MLIP: variants seen among roughly 807,000 people sequenced by gnomAD.
MLIP encodes the protein muscular LMNA interacting protein, also known as muscular LMNA-interacting protein.
MLIP carries 79 observed loss-of-function variants against 84.8 expected under a neutral mutation model. The ratio of observed to expected loss-of-function variants is 0.93; its 90% CI spans 0.78 to 1.12. The LOEUF is 1.12. Among genes scored for constraint, MLIP ranks in the 50% most tolerant of loss-of-function variants. MLIP has a pLI of 0.00. For missense variants in MLIP, 1,257 were observed against 1,160.6 expected (o/e 1.08, Z -1.21); for synonymous variants, 504 against 463.0 (o/e 1.09, Z -1.14).
chr6:54,190,562 T>C (rs181839446), intron 10 of MLIP, among the ~76,000 whole-genome samples: 63 of 152,282 alleles, frequency 4.1e-4, no homozygotes, highest in African/African-American at 1.4e-3. Flanking sequence ...CTTTGAACTA[T>C]TGCATATTTT....
chr6:54,196,359 C>G (rs909437244), intron 10 of MLIP, among the ~76,000 whole-genome samples: 1 of 152,100 alleles, frequency 6.6e-6, no homozygotes, highest in Non-Finnish European at 1.5e-5. Flanking sequence ...CCACAACAGG[C>G]CTCTGTGTGT....
At chr6:54,187,386 C>G (rs1227829133) in intron 9 of MLIP, among the ~76,000 whole-genome samples, 1 of 152,072 alleles carries the variant, frequency 6.6e-6, no homozygotes, top group Non-Finnish European at 1.5e-5. Flanking sequence ...CAAATACAAG[C>G]AACATGGTAT....
chr6:54,212,067 G>C (rs1212064819), intron 11 of MLIP, among the ~76,000 whole-genome samples: 1 of 152,128 alleles, frequency 6.6e-6, no homozygotes, highest in Non-Finnish European at 1.5e-5. Context: ...TGGTAGCTCT[G>C]TTTGATAAGG....
chr6:54,169,452 A>C, intron 8 of MLIP, 76 bp from the exon 9 acceptor site: 1 of 944,682 alleles, frequency 1.1e-6, no homozygotes, highest in Non-Finnish European at 1.5e-6. Context: ...GAAGAAGGTG[A>C]ACACATTCCA....
rs547463859 is a variant in MLIP, at chr6:54,191,995, G to A, written c.2589+2081G>A. Reference sequence around the variant, plus strand: ...ATTTCAAAGTGGCAAATATATATATGTGTATATATATATATAATGATTTTA... The same window carrying A: ...ATTTCAAAGTGGCAAATATATATATATGTATATATATATATAATGATTTTA... On this transcript the variant is annotated intron_variant, in intron 10 of 13. Transcript: ENST00000502396. Among the ~76,000 whole-genome samples, 297 of 150,398 alleles carry A rather than the reference G, an allele frequency of 2.0e-3. 2 individuals are homozygous for A. The highest frequency in any genetic ancestry group is 6.9e-3 in the African/African-American group (282 of 41,140).
chr6:54,203,591 T>A (rs528756871), intron 11 of MLIP: 139 of 152,294 alleles, frequency 9.1e-4, no homozygotes, highest in Non-Finnish European at 1.2e-3. Context: ...TTTCTTCCTT[T>A]CTTTTTTTTT....
chr6:54,021,988 T>C (rs1004650447), intron 1 of MLIP, among the ~76,000 whole-genome samples: 15 of 152,190 alleles, frequency 9.9e-5, no homozygotes, highest in Non-Finnish European at 1.6e-4. Flanking sequence ...TTGTGGGAAA[T>C]GGTAGAGAGG....
intron 1 of MLIP, among the ~76,000 whole-genome samples, chr6:54,116,604 A>G (rs769592086): frequency 6.6e-6 from 1 of 152,196 alleles, no homozygotes; most frequent in Admixed American, 6.5e-5. Context: ...CAGCAATAAA[A>G]TATCTCCATT....
intron 8 of MLIP, among the ~76,000 whole-genome samples, chr6:54,163,433 T>C (rs1396717457): frequency 1.3e-5 from 2 of 151,946 alleles, no homozygotes; most frequent in African/African-American, 2.4e-5. Flanking sequence ...AATGTTTTTA[T>C]TTCTCTTGTT....
rs1018742056 is a variant in MLIP, at chr6:54,052,033, C to CA, written c.63+32942_63+32943insA. On this transcript the variant is annotated intron_variant, in intron 1 of 12. Transcript: ENST00000274897. Reference sequence around the variant, plus strand: ...GTGTCTGATTTTCTCCATCTTACTGCTGCTCTGCTTTCTCTCTTCTGACTT... The same window carrying CA: ...GTGTCTGATTTTCTCCATCTTACTGCATGCTCTGCTTTCTCTCTTCTGACTT... 2.5e-3 allele frequency among the ~76,000 whole-genome samples: 376 copies of CA among 152,238 alleles called. 11 individuals are homozygous for CA. Among genetic ancestry groups the CA allele is most frequent in the Non-Finnish European group, 2.1e-4 (14 of 68,004 alleles).
chr6:54,072,995 G>T (rs545716035), intron 1 of MLIP, among the ~76,000 whole-genome samples: 1 of 152,182 alleles, frequency 6.6e-6, no homozygotes, highest in East Asian at 1.9e-4. Flanking sequence ...GTAGACTTTT[G>T]CCACCCCCTT....
rs111749762 is a variant in MLIP at position 54,207,109 on chromosome 6, A to C, written c.2718+4876A>C. 4.9e-4 allele frequency among the ~76,000 whole-genome samples: 75 copies of C among 151,556 alleles called. 2 individuals carry two copies. The highest frequency in any genetic ancestry group is 1.8e-3 in the African/African-American group (74 of 41,434). On this transcript the variant is annotated intron_variant, in intron 11 of 13. Transcript: ENST00000502396. ...CATTTCTTTGGGAAGGTTTACGAAC[A>C]GAGATTTGGCTTCTCTAAGTTTTGC...
intron 11 of MLIP, chr6:54,215,332 A>C (rs1326743387): frequency 2.9e-6 from 4 of 1,364,546 alleles, no homozygotes; most frequent in Admixed American, 3.5e-5. Flanking sequence ...TGAAAAAATC[A>C]GTCCTTACTG....
At chr6:54,155,380 A>T (rs1773911902) in intron 5 of MLIP, among the ~76,000 whole-genome samples, 2 of 152,116 alleles carry the variant, frequency 1.3e-5, no homozygotes, top group South Asian at 4.1e-4. Flanking sequence ...GGTCATATTA[A>T]CAAAGTATAG....
chr6:54,117,390 A>G (rs1326234800), intron 1 of MLIP, among the ~76,000 whole-genome samples: 2 of 150,846 alleles, frequency 1.3e-5, no homozygotes, highest in Non-Finnish European at 3.0e-5. Context: ...AATTTTTTGT[A>G]TTTTTAGTAG....
At position 54,190,024 on chromosome 6, in the gene MLIP, C is replaced by G; in HGVS notation, c.2589+110C>G. The G allele has an allele frequency of 7.9e-6, 6 of 762,794 alleles. No individual in the cohort carries two copies. The South Asian group carries it at 1.1e-4, about 15-fold the overall frequency. 47.3% of individuals were successfully genotyped at this position (762,794 alleles called of 1,614,324 possible). ...CATTTACTATATATATTTTTATTCACTTACTTGTCTAATAACATTTTACTG... is the reference window on the plus strand; with the variant it reads ...CATTTACTATATATATTTTTATTCAGTTACTTGTCTAATAACATTTTACTG... On this transcript the variant is annotated intron_variant, in intron 10 of 13. Coordinates refer to ENST00000502396, the MANE Select transcript of MLIP (RefSeq NM_001281747.2).
rs1485367091 is a variant in MLIP, at chr6:54,266,163, A to T, written c.*208A>T. 9 of 583,934 alleles carry T rather than the reference A, an allele frequency of 1.5e-5. No homozygotes were observed. Among genetic ancestry groups the T allele is most frequent in the Middle Eastern group, 4.6e-4 (1 of 2,160 alleles). 36.2% of individuals were successfully genotyped at this position (583,934 alleles called of 1,614,324 possible). On this transcript the variant is annotated 3_prime_UTR_variant, in exon 14 of 14. Coordinates refer to ENST00000502396, the MANE Select transcript of MLIP (RefSeq NM_001281747.2). The stretch of plus-strand genomic sequence containing the variant: ...GCCAGCATAGAAGAGATTTACCTAC[A>T]GCTTTTTGCACCACTGTTCTAGCCT...
chr6:54,117,069 C>A (rs951618239), intron 1 of MLIP, among the ~76,000 whole-genome samples: 3 of 152,114 alleles, frequency 2.0e-5, no homozygotes, highest in Admixed American at 1.3e-4. Flanking sequence ...AAGCTCTCAA[C>A]AAATTAGGTA....
rs1562037248 is a variant in MLIP at position 54,189,929 on chromosome 6, A to T, written c.2589+15A>T. On this transcript the variant is annotated intron_variant, in intron 10 of 13. Coordinates refer to ENST00000502396, the MANE Select transcript of MLIP (RefSeq NM_001281747.2). ...AGAGTCAGCTGGTATGTATCTTCTA[A>T]GTCACAGATCTACTGCAAATTCTGA... 6.3e-7 allele frequency: 1 copy of T among 1,579,832 alleles called. No individual in the cohort carries two copies. The highest frequency in any genetic ancestry group is 1.1e-5 in the South Asian group (1 of 89,622).
Sources: allele counts gnomAD v4.1 joint callset (sites outside exome capture counted in the v4.1 genomes callset), GRCh38; gene constraint gnomAD v4.1.1; transcripts MANE v1.5; gene names NCBI Gene and HGNC (gene_info 2026-07-23, HGNC 2026-07-21).